IQSEC1: variants seen among roughly 807,000 people sequenced by gnomAD.
The protein encoded by IQSEC1 is IQ motif and SEC7 domain-containing protein 1.
A neutral mutation model predicts 91.0 loss-of-function variants in IQSEC1; 31 were observed. The ratio of observed to expected loss-of-function variants is 0.34; its 90% confidence interval spans 0.26 to 0.46. IQSEC1 has a LOEUF of 0.46. IQSEC1 is among the 20% of genes least tolerant of loss of function. The probability of loss-of-function intolerance (pLI) is 1.00; values close to 1 mark genes in which losing one functional copy is unlikely to be tolerated. For missense variants in IQSEC1, 1,388 were observed against 1,575.6 expected (o/e 0.88, Z 2.02); for synonymous variants, 699 against 662.6 (o/e 1.05, Z -0.84).
At chr3:13,079,710 C>T (rs943528290) in intron 2 of IQSEC1, among the ~76,000 whole-genome samples, 12 of 152,182 alleles carry the variant, frequency 7.9e-5, no homozygotes, top group Admixed American at 3.3e-4. Context: ...GAGGTTATGC[C>T]GCCCATATGT....
In IQSEC1 at chr3:12,901,068, G is replaced by C; in HGVS notation, c.3260C>G (p.Thr1087Arg). 1 of 1,541,592 alleles carries C rather than the reference G, an allele frequency of 6.5e-7. No homozygotes were observed. Among genetic ancestry groups the C allele is most frequent in the Non-Finnish European group, 8.7e-7 (1 of 1,145,726 alleles). ...AGGGGGCTGCCCATGGTGGTGCACT[G>C]TGTGCCCCACGTGGGCCGAGGGCAG... ...PPLPSAHVGH[T>R]VHHHGQPPAP... Residue 1087 changes from threonine to arginine, a missense_variant, in exon 14 of 14, where the codon ACA (threonine) becomes AGA (arginine). By Grantham distance (71) the Thr-to-Arg change is moderately conservative. Around this residue, in one of 2 missense-constraint regions of IQSEC1, gnomAD observed 329 missense variants for 257.8 expected, o/e 1.28. Transcript: ENST00000613206.
At chr3:13,073,979 G>A (rs1391757995), upstream of IQSEC1, among the ~76,000 whole-genome samples, 1 of 152,258 alleles carries the variant, frequency 6.6e-6, no homozygotes, top group African/African-American at 2.4e-5. Flanking sequence ...GGCTGCACGT[G>A]GCTAGGGAGA....
At chr3:13,245,769 A>C (rs1695098651) in intron 1 of IQSEC1, among the ~76,000 whole-genome samples, 1 of 150,312 alleles carries the variant, frequency 6.7e-6, no homozygotes, top group African/African-American at 2.4e-5. Flanking sequence ...CCTGTTTCAA[A>C]AAAAAAAAAA....
intron 3 of IQSEC1, among the ~76,000 whole-genome samples, chr3:12,928,107 G>A (rs1697320908): frequency 6.6e-6 from 1 of 152,172 alleles, no homozygotes; most frequent in African/African-American, 2.4e-5. Flanking sequence ...GGGCCCAGCT[G>A]GCAGCTGAGT....
chr3:13,093,191 A>G (rs1372825066), intron 2 of IQSEC1, among the ~76,000 whole-genome samples: 2 of 150,550 alleles, frequency 1.3e-5, no homozygotes, highest in African/African-American at 4.9e-5. Flanking sequence ...GGATACAGAG[A>G]GGCATTAAGA....
chr3:12,934,939 G>T (rs187834176), intron 3 of IQSEC1, among the ~76,000 whole-genome samples: 1 of 151,584 alleles, frequency 6.6e-6, no homozygotes, highest in Admixed American at 6.6e-5. Flanking sequence ...GCCAGCAACT[G>T]CCCCTGAGCA....
At chr3:13,013,245 C>T (rs1702971849) in intron 1 of IQSEC1, among the ~76,000 whole-genome samples, 1 of 152,222 alleles carries the variant, frequency 6.6e-6, no homozygotes, top group Non-Finnish European at 1.5e-5. Flanking sequence ...TAACCACAGC[C>T]TGACCACACC....
At chr3:12,982,667 T>G (rs1052540510) in intron 1 of IQSEC1, among the ~76,000 whole-genome samples, 1 of 152,228 alleles carries the variant, frequency 6.6e-6, no homozygotes, top group Non-Finnish European at 1.5e-5. Context: ...CTGGGTCCTA[T>G]AGGCAGAACT....
intron 1 of IQSEC1, among the ~76,000 whole-genome samples, chr3:13,187,579 A>G (rs1371519443): frequency 6.6e-6 from 1 of 152,122 alleles, no homozygotes; most frequent in Admixed American, 6.5e-5. Flanking sequence ...GCTCCTGTCT[A>G]GTTCACTGCT....
chr3:13,218,618 A>G (rs566286095), intron 1 of IQSEC1, among the ~76,000 whole-genome samples: 1 of 152,336 alleles, frequency 6.6e-6, no homozygotes, highest in South Asian at 2.1e-4. Context: ...GAAACTGGAA[A>G]ATGAAGTTCA....
intron 1 of IQSEC1, among the ~76,000 whole-genome samples, chr3:12,997,608 C>T (rs1345214576): frequency 6.6e-6 from 1 of 152,194 alleles, no homozygotes; most frequent in Non-Finnish European, 1.5e-5. Context: ...CTACTACACA[C>T]CTAGGCTATA....
intron 2 of IQSEC1, among the ~76,000 whole-genome samples, chr3:13,078,525 C>T (rs1705598641): frequency 6.6e-6 from 1 of 152,112 alleles, no homozygotes; most frequent in Admixed American, 6.5e-5. Context: ...CAGGAGCCTC[C>T]TCTGCCACCA....
chr3:12,963,994 G>C (rs1326869018), intron 1 of IQSEC1, among the ~76,000 whole-genome samples: 1 of 152,250 alleles, frequency 6.6e-6, no homozygotes, highest in African/African-American at 2.4e-5. Context: ...CATGAGGCCA[G>C]GCGCTATGCT....
chr3:13,001,417 ATGGGCCTCTAAGAATACAG>A (rs1702418987), intron 1 of IQSEC1, among the ~76,000 whole-genome samples: 1 of 152,212 alleles, frequency 6.6e-6, no homozygotes, highest in Admixed American at 6.5e-5. Flanking sequence ...TTAAGAACTG[ATGGGCCTCTAAGAATACAG>A]TTCCCAAGCT....
intron 1 of IQSEC1, among the ~76,000 whole-genome samples, chr3:13,241,374 C>A (rs1695018921): frequency 6.6e-6 from 1 of 152,228 alleles, no homozygotes; most frequent in South Asian, 2.1e-4. Flanking sequence ...GCTCTGTCCA[C>A]CAGACCACAG....
Position 12,899,606 on chromosome 3 carries a change from C to T in IQSEC1, c.*1377G>A, listed in dbSNP as rs1197982796. The stretch of plus-strand genomic sequence containing the variant: ...GGAAGGCAGCGGGGGCTCCGCCGGG[C>T]ACTCGTCGGCTGGGGTCACACGGGC... On this transcript the variant is annotated 3_prime_UTR_variant, in exon 14 of 14. Coordinates refer to ENST00000613206, the MANE Select transcript of IQSEC1 (RefSeq NM_001134382.3). 2 of 985,338 alleles carry T rather than the reference C, an allele frequency of 2.0e-6. No individual in the cohort carries two copies. The highest frequency in any genetic ancestry group is 4.7e-5 in the South Asian group (1 of 21,290). 61.0% of individuals were successfully genotyped at this position (985,338 alleles called of 1,614,324 possible).
At chr3:13,235,896 C>T (rs1050544111) in intron 1 of IQSEC1, among the ~76,000 whole-genome samples, 2 of 152,174 alleles carry the variant, frequency 1.3e-5, no homozygotes, top group African/African-American at 4.8e-5. Flanking sequence ...CCACCAGCCC[C>T]GCTGAGACAA....
At chr3:13,242,472 A>G (rs1695036147) in intron 1 of IQSEC1, among the ~76,000 whole-genome samples, 1 of 152,202 alleles carries the variant, frequency 6.6e-6, no homozygotes, top group African/African-American at 2.4e-5. Context: ...GTGCAGAGTG[A>G]CATGGCCAGC....
chr3:12,953,507 T>C (rs1198451212), intron 1 of IQSEC1, among the ~76,000 whole-genome samples: 1 of 152,174 alleles, frequency 6.6e-6, no homozygotes, highest in Non-Finnish European at 1.5e-5. Flanking sequence ...TAGAAAAATA[T>C]AGGACTCGAA....
Sources: allele counts gnomAD v4.1 joint callset (sites outside exome capture counted in the v4.1 genomes callset), GRCh38; gene constraint gnomAD v4.1.1; regional missense constraint gnomAD v4.1.1; transcripts MANE v1.5; gene names NCBI Gene and HGNC (gene_info 2026-07-23, HGNC 2026-07-21).